Variants in C16orf96 observed in about 807,000 individuals in gnomAD.
The protein encoded by C16orf96 is chromosome 16 open reading frame 96.
Under a neutral mutation model 103.6 loss-of-function variants are expected in C16orf96, and 108 were observed. That is an observed-to-expected ratio of 1.04 (90% CI 0.89 to 1.22). C16orf96 has a LOEUF of 1.22. Among genes scored for constraint, C16orf96 ranks in the 50% most tolerant of loss-of-function variants. C16orf96 has a pLI of 0.00. For missense variants in C16orf96, 1,586 were observed against 1,464.2 expected, an observed-to-expected ratio of 1.08 and a Z score of -1.36; for synonymous variants, 566 against 593.5, an observed-to-expected ratio of 0.95 and a Z score of 0.67.
At position 4,592,297 on chromosome 16, in the gene C16orf96, C is replaced by A; in HGVS notation, c.2712-8C>A. The A allele has an allele frequency of 6.4e-7, 1 of 1,551,592 alleles. No individual in the cohort carries two copies. Among genetic ancestry groups the A allele is most frequent in the Non-Finnish European group, 8.7e-7 (1 of 1,146,980 alleles). On this transcript the variant is annotated splice_region_variant and splice_polypyrimidine_tract_variant and intron_variant, in intron 10 of 15. Transcript: ENST00000444310. ...AGGGGCAGCGGCTGATGATCATGTG[C>A]CTTTCAGGAAGCTGTTCAAGCGCGT...
the C16orf96 span, among the ~76,000 whole-genome samples, chr16:4,541,565 C>A: frequency 6.6e-6 from 1 of 152,162 alleles, no homozygotes; most frequent in Non-Finnish European, 1.5e-5. Context: ...CAGAGTGAGA[C>A]CCTGTCTCTA....
upstream of C16orf96, among the ~76,000 whole-genome samples, chr16:4,554,579 T>C (rs1176421011): frequency 6.6e-6 from 1 of 151,870 alleles, no homozygotes; most frequent in Non-Finnish European, 1.5e-5. Context: ...ATGGTCTCAA[T>C]CTTCTGACCT....
intron 9 of C16orf96, among the ~76,000 whole-genome samples, chr16:4,590,284 C>T (rs2404575): frequency 0.79 from 120,345 of 151,754 alleles, 48,216 homozygotes; most frequent in Admixed American, 0.89. Context: ...TTTGGCCAGG[C>T]GCGGTGGCTC....
In C16orf96 at chr16:4,588,275, C is replaced by A; in HGVS notation, c.2536C>A (p.His846Asn). 6.4e-7 allele frequency: 1 copy of A among 1,551,692 alleles called. No individual in the cohort carries two copies. Among genetic ancestry groups the A allele is most frequent in the African/African-American group, 1.4e-5 (1 of 73,160 alleles). ...IQGILFKVTI[H>N]EDSWKKAMEE... The stretch of plus-strand genomic sequence containing the variant: ...GGGCATACTCTTCAAGGTCACGATC[C>A]ATGAGGACAGCTGGAAGAAGGCTAT... Residue 846 changes from histidine to asparagine, a missense_variant, in exon 9 of 16, where the codon CAT (histidine) becomes AAT (asparagine). Physicochemically the swap from His to Asn is moderately conservative, Grantham distance 68. Coordinates refer to ENST00000444310, the MANE Select transcript of C16orf96 (RefSeq NM_001145011.2).
chr16:4,575,789 C>G lies in C16orf96; in HGVS notation c.1309C>G (p.Pro437Ala), dbSNP rs199607902. The G allele has an allele frequency of 9.9e-5, 154 of 1,550,586 alleles. 1 individual carries two copies. Among genetic ancestry groups the G allele is most frequent in the Admixed American group, 7.8e-5 (4 of 50,964 alleles). ...TGAGTTTGGCTCATTGTGGCCTCGACCACTCCAGCCATATCAGTCTCGCCA... is the reference window on the plus strand; with the variant it reads ...TGAGTTTGGCTCATTGTGGCCTCGAGCACTCCAGCCATATCAGTCTCGCCA... ...ATEFGSLWPR[P>A]LQPYQSRQGE... The change falls in exon 5 of 16, where the codon CCA (proline) becomes GCA (alanine). Residue 437 changes from proline to alanine, a missense_variant. Coordinates refer to ENST00000444310, the MANE Select transcript of C16orf96 (RefSeq NM_001145011.2).
chr16:4,580,709 G>A (rs1054228393), intron 7 of C16orf96, among the ~76,000 whole-genome samples: 1 of 152,042 alleles, frequency 6.6e-6, no homozygotes, highest in East Asian at 1.9e-4. Context: ...AGCTGGGACT[G>A]GGCGCGGTGG....
intron 1 of C16orf96, among the ~76,000 whole-genome samples, chr16:4,570,973 A>T (rs1412652212): frequency 6.6e-6 from 1 of 152,162 alleles, no homozygotes; most frequent in East Asian, 1.9e-4. Flanking sequence ...ATTCGAGACC[A>T]GCCTGAGCAA....
the C16orf96 span, among the ~76,000 whole-genome samples, chr16:4,551,200 G>A: frequency 1.3e-5 from 2 of 152,192 alleles, no homozygotes; most frequent in African/African-American, 4.8e-5. Context: ...GAACCCAGGT[G>A]TTTGAGGCTG....
At chr16:4,555,966 C>T (rs921003029), upstream of C16orf96, among the ~76,000 whole-genome samples, 2 of 152,122 alleles carry the variant, frequency 1.3e-5, no homozygotes, top group African/African-American at 4.8e-5. Flanking sequence ...CCCCAAAGTG[C>T]TGGGATTACA....
chr16:4,563,672 G>A (rs1366529350), intron 1 of C16orf96, among the ~76,000 whole-genome samples: 2 of 152,022 alleles, frequency 1.3e-5, no homozygotes, highest in African/African-American at 4.8e-5. Context: ...GGGTTCAAGC[G>A]ATTCTCCTGC....
chr16:4,576,204 C>A lies in C16orf96; in HGVS notation c.1724C>A (p.Ala575Asp). 6.4e-7 allele frequency: 1 copy of A among 1,550,650 alleles called. No homozygotes were observed. The highest frequency in any genetic ancestry group is 2.0e-5 in the Admixed American group (1 of 51,002). ...ACCGCTGCCATCGCCGCCGCTGCCGCCGCAGCCTACGCCGCTGCCACATCC... is the reference window on the plus strand; with the variant it reads ...ACCGCTGCCATCGCCGCCGCTGCCGACGCAGCCTACGCCGCTGCCACATCC... ...KTTAAIAAAA[A>D]AAYAAATSSA... The change falls in exon 5 of 16, where the codon GCC becomes GAC. Residue 575 changes from alanine to aspartate, a missense_variant. Ala to Asp is a moderately radical substitution (Grantham distance 126). Transcript: ENST00000444310.
At chr16:4,559,081 C>G (rs2059300225) in intron 1 of C16orf96, among the ~76,000 whole-genome samples, 1 of 151,884 alleles carries the variant, frequency 6.6e-6, no homozygotes, top group Non-Finnish European at 1.5e-5. Flanking sequence ...AAAGTCTTGT[C>G]TCCAAAAAGG....
the C16orf96 span, among the ~76,000 whole-genome samples, chr16:4,546,382 T>C: frequency 1.3e-5 from 2 of 151,132 alleles, no homozygotes; most frequent in Admixed American, 6.6e-5. Context: ...ATGGTCTTGA[T>C]CTCCTGACCT....
intron 2 of C16orf96, among the ~76,000 whole-genome samples, chr16:4,572,036 G>C (rs188323422): frequency 1.3e-3 from 192 of 151,814 alleles, no homozygotes; most frequent in Non-Finnish European, 2.4e-3. Flanking sequence ...TTTTAGTAGA[G>C]ACAGGGGTTC....
At chr16:4,546,176 T>G in the C16orf96 span, among the ~76,000 whole-genome samples, 3 of 130,244 alleles carry the variant, frequency 2.3e-5, no homozygotes, top group Non-Finnish European at 4.7e-5. Flanking sequence ...TTTTTTTTTT[T>G]GAGACGGAGT....
At chr16:4,539,401 G>A in the C16orf96 span, among the ~76,000 whole-genome samples, 1 of 152,170 alleles carries the variant, frequency 6.6e-6, no homozygotes, top group African/African-American at 2.4e-5. Flanking sequence ...TTATAGTTTA[G>A]GGCCCAGCTC....
chr16:4,585,472 AAAAATT>A (rs1896902835), intron 7 of C16orf96, among the ~76,000 whole-genome samples: 1 of 152,116 alleles, frequency 6.6e-6, no homozygotes, highest in South Asian at 2.1e-4. Context: ...ATTAAAATAA[AAAAATT>A]AAAATTAAAA....
chr16:4,595,518 G>A (rs1301929316), intron 14 of C16orf96, among the ~76,000 whole-genome samples: 1 of 152,176 alleles, frequency 6.6e-6, no homozygotes. Context: ...CACTGGGTTC[G>A]AAGGACAAAA....
chr16:4,539,305 A>C, the C16orf96 span, among the ~76,000 whole-genome samples: 2 of 152,256 alleles, frequency 1.3e-5, no homozygotes, highest in African/African-American at 4.8e-5. Context: ...AAGATAGTTA[A>C]CAGCCCTTTC....
Sources: allele counts gnomAD v4.1 joint callset (sites outside exome capture counted in the v4.1 genomes callset), GRCh38; gene constraint gnomAD v4.1.1; transcripts MANE v1.5; gene names NCBI Gene and HGNC (gene_info 2026-07-23, HGNC 2026-07-21).